Variants in P2RY14 observed in about 807,000 individuals in gnomAD.
P2RY14 encodes purinergic receptor P2Y14, also known as P2Y purinoceptor 14.
A neutral mutation model predicts 0.9 loss-of-function variants in P2RY14; 2 were observed. The ratio of observed to expected loss-of-function variants is 2.16; its 90% CI spans 0.88 to 6.79. The LOEUF is 6.79. Ranked by LOEUF, P2RY14 falls within the 30% of genes most tolerant of loss-of-function variation. P2RY14 has a pLI of 0.05. For missense variants in P2RY14, 378 were observed against 400.1 expected (o/e 0.94, Z 0.47); for synonymous variants, 158 against 147.2 (o/e 1.07, Z -0.53).
chr3:151,233,393 T>C lies in P2RY14; in HGVS notation c.-132-13751A>G, dbSNP rs144828222. Reference sequence around the variant, plus strand: ...TCTTTCTTTTCAATGGAATGTTTGATACTTTGAAAAGACTACATGTAGTAT... The same window carrying C: ...TCTTTCTTTTCAATGGAATGTTTGACACTTTGAAAAGACTACATGTAGTAT... On this transcript the variant is annotated intron_variant, in intron 1 of 2. Transcript: ENST00000309170. Among the ~76,000 whole-genome samples, 281 of 152,348 alleles carry C rather than the reference T, an allele frequency of 1.8e-3. 2 individuals are homozygous for C. The highest frequency in any genetic ancestry group is 6.2e-3 in the African/African-American group (257 of 41,596).
chr3:151,244,276 A>G (rs1236235021), intron 1 of P2RY14, among the ~76,000 whole-genome samples: 1 of 130,458 alleles, frequency 7.7e-6, no homozygotes, highest in Non-Finnish European at 1.7e-5. Flanking sequence ...CCTAATAGAC[A>G]TCTACAGAAC....
intron 1 of P2RY14, among the ~76,000 whole-genome samples, chr3:151,266,773 G>C (rs1272116948): frequency 6.6e-6 from 1 of 152,174 alleles, no homozygotes; most frequent in South Asian, 2.1e-4. Flanking sequence ...TAGCTGCCTG[G>C]TAAGAAGAAA....
At chr3:151,228,106 T>C (rs1045261093) in intron 1 of P2RY14, among the ~76,000 whole-genome samples, 1 of 152,210 alleles carries the variant, frequency 6.6e-6, no homozygotes, top group African/African-American at 2.4e-5. Flanking sequence ...GTAATCTGTA[T>C]GCTAAGGTCT....
At chr3:151,272,972 T>A (rs918736713) in intron 1 of P2RY14, among the ~76,000 whole-genome samples, 1 of 152,190 alleles carries the variant, frequency 6.6e-6, no homozygotes, top group East Asian at 1.9e-4. Flanking sequence ...CCGAAACTTT[T>A]TGAGGGCTGA....
chr3:151,272,087 T>C (rs1741057851), intron 1 of P2RY14, among the ~76,000 whole-genome samples: 1 of 152,204 alleles, frequency 6.6e-6, no homozygotes, highest in Admixed American at 6.5e-5. Flanking sequence ...CAGATTGTAA[T>C]GTGTGTGTAA....
Position 151,213,183 on chromosome 3 carries a change from TG to T in P2RY14, c.*116del. The T allele has an allele frequency of 1.3e-6, 1 of 753,582 alleles. No homozygotes were observed. Among genetic ancestry groups the T allele is most frequent in the Non-Finnish European group, 2.1e-6 (1 of 468,198 alleles). 46.7% of individuals were successfully genotyped at this position (753,582 alleles called of 1,614,324 possible). On this transcript the variant is annotated 3_prime_UTR_variant, in exon 3 of 3. Transcript: ENST00000309170. ...ATATTTGAATTTTATTGAACTAAAT[TG>T]GATGGCAGTGCTAGAGATGATATTT...
At chr3:151,228,227 A>G (rs1003814066) in intron 1 of P2RY14, among the ~76,000 whole-genome samples, 2 of 152,190 alleles carry the variant, frequency 1.3e-5, no homozygotes, top group African/African-American at 4.8e-5. Flanking sequence ...GGCCTTGGCT[A>G]CATGTATGGC....
At chr3:151,249,010 A>G (rs1408962416) in intron 1 of P2RY14, 1 of 152,210 alleles carries the variant, frequency 6.6e-6, no homozygotes, top group East Asian at 1.9e-4. Flanking sequence ...TTTCAAATCA[A>G]AACATTTAAA....
intron 1 of P2RY14, among the ~76,000 whole-genome samples, chr3:151,270,964 T>G (rs1276459290): frequency 6.6e-6 from 1 of 151,900 alleles, no homozygotes; most frequent in Non-Finnish European, 1.5e-5. Flanking sequence ...ATGTTAAAAG[T>G]GTACAAGTTG....
intron 1 of P2RY14, among the ~76,000 whole-genome samples, chr3:151,262,887 G>T (rs1055497789): frequency 1.3e-5 from 2 of 152,128 alleles, no homozygotes; most frequent in Admixed American, 6.6e-5. Context: ...ATGATAGAGG[G>T]CAGTAAGGCT....
At chr3:151,249,635 T>C (rs1477285249) in intron 1 of P2RY14, among the ~76,000 whole-genome samples, 1 of 152,170 alleles carries the variant, frequency 6.6e-6, no homozygotes, top group East Asian at 1.9e-4. Context: ...CTACTCCATC[T>C]GTTATCCTGA....
At chr3:151,223,872 G>A (rs577793807) in intron 1 of P2RY14, among the ~76,000 whole-genome samples, 4 of 152,272 alleles carry the variant, frequency 2.6e-5, no homozygotes, top group Admixed American at 6.5e-5. Context: ...CCTACTCCTG[G>A]GGAGGGAAGT....
chr3:151,247,842 A>G (rs920338928), intron 1 of P2RY14, among the ~76,000 whole-genome samples: 1 of 151,824 alleles, frequency 6.6e-6, no homozygotes, highest in African/African-American at 2.4e-5. Context: ...TGTTGACAAG[A>G]GTCACAGTTT....
chr3:151,259,430 C>G (rs1250667081), intron 1 of P2RY14, among the ~76,000 whole-genome samples: 1 of 152,150 alleles, frequency 6.6e-6, no homozygotes, highest in Non-Finnish European at 1.5e-5. Flanking sequence ...GGTCTTCTAA[C>G]TTATTAGTCA....
At chr3:151,257,531 T>C (rs1293847699) in intron 1 of P2RY14, among the ~76,000 whole-genome samples, 8 of 152,248 alleles carry the variant, frequency 5.3e-5, no homozygotes, top group Non-Finnish European at 1.0e-4. Flanking sequence ...CAAAAGTGAT[T>C]ATAATATCTA....
chr3:151,217,005 G>A (rs565613955), intron 2 of P2RY14, among the ~76,000 whole-genome samples: 1 of 152,138 alleles, frequency 6.6e-6, no homozygotes, highest in African/African-American at 2.4e-5. Flanking sequence ...CCATTGTGGT[G>A]TCATACTCAT....
intron 1 of P2RY14, among the ~76,000 whole-genome samples, chr3:151,264,301 T>C (rs1343199368): frequency 1.3e-5 from 2 of 152,314 alleles, no homozygotes; most frequent in Admixed American, 1.3e-4. Flanking sequence ...TCAAAAAGAG[T>C]TTGTGCTCAC....
intron 1 of P2RY14, among the ~76,000 whole-genome samples, chr3:151,224,606 C>G (rs1730106993): frequency 6.6e-6 from 1 of 152,136 alleles, no homozygotes; most frequent in Non-Finnish European, 1.5e-5. Context: ...TTGTCCGTGC[C>G]CTCTCTAGGC....
At chr3:151,269,440 CAA>C (rs1381948700) in intron 1 of P2RY14, 24 of 220,750 alleles carry the variant, frequency 1.1e-4, no homozygotes, top group African/African-American at 3.8e-4. Context: ...CACACACACA[CAA>C]AATTCAGAGA....
Sources: allele counts gnomAD v4.1 joint callset (sites outside exome capture counted in the v4.1 genomes callset), GRCh38; gene constraint gnomAD v4.1.1; transcripts MANE v1.5; gene names NCBI Gene and HGNC (gene_info 2026-07-23, HGNC 2026-07-21).